The following MIS18BP1 variants were observed in gnomAD, a reference collection of about 807,000 sequenced individuals.
MIS18BP1 encodes MIS18 binding protein 1, also known as mis18-binding protein 1.
A neutral mutation model predicts 116.1 loss-of-function variants in MIS18BP1; 72 were observed. The ratio of observed to expected loss-of-function variants is 0.62; its 90% CI spans 0.51 to 0.75. The LOEUF is 0.75. MIS18BP1 is among the 30% of genes least tolerant of loss of function. The pLI is 0.00. For synonymous variants in MIS18BP1, 386 were observed against 427.0 expected, an observed-to-expected ratio of 0.90 and a Z score of 1.18; for missense variants, 1,363 against 1,303.2, an observed-to-expected ratio of 1.05 and a Z score of -0.71.
chr14:45,227,563 A>AC (rs1891156772), intron 9 of MIS18BP1, 100 bp downstream of exon 9: 4 of 1,066,436 alleles, frequency 3.8e-6, no homozygotes, highest in Non-Finnish European at 5.3e-6. Flanking sequence ...AAAAAAAAAA[A>AC]AACAGAACTC....
chr14:45,214,517 G>T (rs995793645), intron 13 of MIS18BP1, among the ~76,000 whole-genome samples: 1 of 152,142 alleles, frequency 6.6e-6, no homozygotes, highest in African/African-American at 2.4e-5. Flanking sequence ...AGGGAACTCA[G>T]AGACCAGGGG....
chr14:45,227,583 A>T, intron 9 of MIS18BP1, 80 bp downstream of exon 9: 1 of 1,170,282 alleles, frequency 8.5e-7, no homozygotes, highest in South Asian at 1.6e-5. Context: ...CACGTCCCTG[A>T]TATGGTCCCA....
intron 1 of MIS18BP1, among the ~76,000 whole-genome samples, chr14:45,250,516 T>G (rs561668754): frequency 6.6e-6 from 1 of 152,070 alleles, no homozygotes; most frequent in South Asian, 2.1e-4. Context: ...GCCAAGCACA[T>G]TTGTTGACCT....
At position 45,203,292 on chromosome 14, in the gene MIS18BP1, A is replaced by G. The variant is rs1464984416; in HGVS notation, c.*817T>C. On this transcript the variant is annotated 3_prime_UTR_variant, in exon 17 of 17. Coordinates refer to ENST00000310806, the MANE Select transcript of MIS18BP1 (RefSeq NM_018353.5). ...AATATCCTATGTCAAGTTTCAAAAC[A>G]TAACAAGCAAAAATAAGTTTATTTC... is the stretch of plus-strand genomic sequence containing the variant. The G allele has an allele frequency of 2.0e-5, 3 of 152,220 alleles. No homozygotes were observed. Among genetic ancestry groups the G allele is most frequent in the Admixed American group, 1.3e-4 (2 of 15,280 alleles). 9.4% of individuals were successfully genotyped at this position (152,220 alleles called of 1,614,324 possible). A position where few individuals can be genotyped will look rare whatever the true frequency, so the allele number is the denominator to read the frequency against.
At chr14:45,205,357 A>G (rs1325312311) in intron 15 of MIS18BP1, among the ~76,000 whole-genome samples, 1 of 152,158 alleles carries the variant, frequency 6.6e-6, no homozygotes, top group Admixed American at 6.5e-5. Context: ...AAGCAAGGGA[A>G]TCAAGGGGGT....
At chr14:45,208,513 T>A (rs1890588175) in intron 14 of MIS18BP1, among the ~76,000 whole-genome samples, 1 of 151,946 alleles carries the variant, frequency 6.6e-6, no homozygotes, top group South Asian at 2.1e-4. Flanking sequence ...TTTGTATTTT[T>A]AGTAGAGATG....
At chr14:45,252,078 A>G (rs1368615443) in intron 1 of MIS18BP1, among the ~76,000 whole-genome samples, 1 of 152,092 alleles carries the variant, frequency 6.6e-6, no homozygotes, top group Non-Finnish European at 1.5e-5. Context: ...AAATTAAGGT[A>G]TAAGGTGGTT....
At chr14:45,238,542 G>A (rs1001325536) in intron 4 of MIS18BP1, among the ~76,000 whole-genome samples, 1 of 152,260 alleles carries the variant, frequency 6.6e-6, no homozygotes, top group East Asian at 1.9e-4. Context: ...AAAAATTATA[G>A]GTGATGGCTG....
At position 45,233,662 on chromosome 14, in the gene MIS18BP1, A is replaced by G. The variant is rs373513021; in HGVS notation, c.1349-842T>C. On this transcript the variant is annotated intron_variant, in intron 6 of 16. Coordinates refer to ENST00000310806, the MANE Select transcript of MIS18BP1 (RefSeq NM_018353.5). ...TTTTGGAGATATATTAATAGGATGT[A>G]CTGACACACACACACTGATGTGGGT... Among the ~76,000 whole-genome samples, 524 of 152,320 alleles carry G rather than the reference A, an allele frequency of 3.4e-3. 8 individuals are homozygous for G. The highest frequency in any genetic ancestry group is 0.012 in the African/African-American group (505 of 41,566).
At chr14:45,212,093 G>T (rs1441461815) in intron 13 of MIS18BP1, among the ~76,000 whole-genome samples, 1 of 152,118 alleles carries the variant, frequency 6.6e-6, no homozygotes, top group African/African-American at 2.4e-5. Flanking sequence ...TGCTCACATT[G>T]GACTGTCCCC....
intron 4 of MIS18BP1, among the ~76,000 whole-genome samples, chr14:45,239,343 A>G (rs1407187771): frequency 6.6e-6 from 1 of 152,222 alleles, no homozygotes; most frequent in African/African-American, 2.4e-5. Flanking sequence ...AATAAAAGGC[A>G]TTAGATAAAT....
chr14:45,236,124 T>C (rs924415091), intron 5 of MIS18BP1, among the ~76,000 whole-genome samples, 180 bp from the exon 6 acceptor site: 2 of 152,218 alleles, frequency 1.3e-5, no homozygotes, highest in Non-Finnish European at 2.9e-5. Context: ...CCTCAGATTA[T>C]GTACCAAAAA....
rs531005855 is a variant in MIS18BP1 at position 45,225,956 on chromosome 14, C to T, written c.1840+787G>A. On this transcript the variant is annotated intron_variant, in intron 10 of 16. Transcript: ENST00000310806. ...ACAATCCGTGGAAAAAGGTAATAATCAAAATAATTTAGAAAGTGTCTACAA... is the reference window on the plus strand; with the variant it reads ...ACAATCCGTGGAAAAAGGTAATAATTAAAATAATTTAGAAAGTGTCTACAA... 7.4e-4 allele frequency among the ~76,000 whole-genome samples: 112 copies of T among 152,020 alleles called. 3 individuals carry two copies. In the South Asian group the frequency reaches 0.023, roughly 31 times the overall value.
chr14:45,242,269 A>T lies in MIS18BP1; in HGVS notation c.908T>A (p.Val303Asp), dbSNP rs1443247719. The part of the protein sequence containing the change: ...IPIKNGSLLM[V>D]SDSERTTEGT... Reference sequence around the variant, plus strand: ...TTCTGTTGTCCTCTCACTATCAGAAACCATTAACAGGCTGCCATTTTTAAT... The same window carrying T: ...TTCTGTTGTCCTCTCACTATCAGAATCCATTAACAGGCTGCCATTTTTAAT... The change falls in exon 4 of 17, where the codon GTT becomes GAT. Residue 303 changes from valine (V) to aspartate (D), a missense_variant. Val to Asp is a radical substitution (Grantham distance 152, BLOSUM62 -3). Transcript: ENST00000310806. 1 of 1,614,078 alleles carries T rather than the reference A, an allele frequency of 6.2e-7. No individual in the cohort carries two copies. The highest frequency in any genetic ancestry group is 8.5e-7 in the Non-Finnish European group (1 of 1,179,996).
intron 6 of MIS18BP1, among the ~76,000 whole-genome samples, chr14:45,235,205 T>TC (rs1300443272): frequency 6.8e-5 from 8 of 117,518 alleles, no homozygotes; most frequent in African/African-American, 2.8e-4. Flanking sequence ...AGACTCCATC[T>TC]CCAAAAAAAA....
intron 14 of MIS18BP1, among the ~76,000 whole-genome samples, chr14:45,207,762 CTGTT>C (rs1890558620): frequency 1.3e-5 from 2 of 152,180 alleles, no homozygotes; most frequent in Admixed American, 6.5e-5. Context: ...AGTGATATAA[CTGTT>C]TGATTACTTA....
intron 12 of MIS18BP1, 128 bp from the exon 13 acceptor site, chr14:45,217,307 G>T (rs1057060511): frequency 7.8e-5 from 87 of 1,119,820 alleles, no homozygotes; most frequent in Non-Finnish European, 1.0e-4. Flanking sequence ...ACTCAGCCTT[G>T]GCCAGGCTCA....
At position 45,237,647 on chromosome 14, in the gene MIS18BP1, C is replaced by A. The variant is rs1891464739; in HGVS notation, c.1217+1G>T. On this transcript the variant is annotated splice_donor_variant, in intron 5 of 16. Coordinates refer to ENST00000310806, the MANE Select transcript of MIS18BP1 (RefSeq NM_018353.5). LOFTEE classifies it high-confidence loss of function. The stretch of plus-strand genomic sequence containing the variant: ...AAAGAATAATGAAATAGTATACTTA[C>A]ATCAATTTTCCTTCTACACATATAG... 6.3e-7 allele frequency: 1 copy of A among 1,591,962 alleles called. No individual in the cohort carries two copies. Among genetic ancestry groups the A allele is most frequent in the African/African-American group, 1.4e-5 (1 of 73,632 alleles).
At chr14:45,221,266 G>A (rs997888344) in intron 11 of MIS18BP1, among the ~76,000 whole-genome samples, 6 of 151,924 alleles carry the variant, frequency 3.9e-5, no homozygotes, top group East Asian at 1.9e-4. Context: ...GTGAAACCCC[G>A]TCTCTACTGA....
Sources: allele counts gnomAD v4.1 joint callset (sites outside exome capture counted in the v4.1 genomes callset), GRCh38; gene constraint gnomAD v4.1.1; transcripts MANE v1.5; gene names NCBI Gene and HGNC (gene_info 2026-07-23, HGNC 2026-07-21).